The following HGS variants were observed in gnomAD, a reference collection of about 807,000 sequenced individuals.
HGS encodes hepatocyte growth factor-regulated tyrosine kinase substrate, also known as human growth factor-regulated tyrosine kinase substrate.
In HGS, 63 loss-of-function variants were observed where a neutral mutation model predicts 109.7. The observed-to-expected ratio is 0.57, with a 90% confidence interval of 0.47 to 0.71. The LOEUF is 0.71. HGS is among the 30% of genes least tolerant of loss of function. HGS has a pLI of 0.00. For synonymous variants in HGS, 546 were observed against 437.3 expected (o/e 1.25, Z -3.10); for missense variants, 995 against 1,068.3 (o/e 0.93, Z 0.96).
intron 3 of HGS, among the ~76,000 whole-genome samples, chr17:81,686,717 T>A (rs1183774729): frequency 1.3e-5 from 2 of 152,250 alleles, no homozygotes; most frequent in African/African-American, 4.8e-5. Flanking sequence ...GAGTCTCAGA[T>A]GTGGGTTCCC....
rs2037052409 is a variant in HGS at position 81,690,811 on chromosome 17, C to A, written c.537+69C>A. ...AGGTCCCCTGCCGTGCACAAGGCCA[C>A]CGTCCCTGCTGGGCCTTTCCTTCCT... On this transcript the variant is annotated intron_variant, in intron 7 of 21. Transcript: ENST00000329138. 4 of 1,387,740 alleles carry A rather than the reference C, an allele frequency of 2.9e-6. No individual in the cohort carries two copies. The Admixed American group carries it at 7.2e-5, about 25-fold the overall frequency. 86.0% of individuals were successfully genotyped at this position (1,387,740 alleles called of 1,614,324 possible).
chr17:81,695,929 A>G lies in HGS; in HGVS notation c.1323A>G (p.Ser441=). Residue 441 remains serine, a synonymous_variant, in exon 15 of 22, where the codon TCA becomes TCG. Transcript: ENST00000329138. The stretch of plus-strand genomic sequence containing the variant: ...TCACCAATGACTCGGCCGTGCTCTC[A>G]CTCTTCCAGTCCATCAACGGCATGC... The part of the protein sequence containing the change: ...RSITNDSAVL[S]LFQSINGMHP... 4 of 1,599,052 alleles carry G rather than the reference A, an allele frequency of 2.5e-6. No individual in the cohort carries two copies. The highest frequency in any genetic ancestry group is 2.6e-6 in the Non-Finnish European group (3 of 1,170,630).
intron 16 of HGS, 25 bp from the exon 17 acceptor site, chr17:81,696,582 T>C (rs1240938175): frequency 1.3e-6 from 2 of 1,574,820 alleles, no homozygotes; most frequent in Non-Finnish European, 1.7e-6. Flanking sequence ...CCTCGCAGCA[T>C]AACCAGCATG....
chr17:81,699,652 C>G (rs960320100), intron 18 of HGS, among the ~76,000 whole-genome samples: 13 of 152,152 alleles, frequency 8.5e-5, no homozygotes, highest in Admixed American at 6.5e-4. Context: ...TCTCGAACTC[C>G]TGCCATCATG....
intron 11 of HGS, 111 bp from the exon 12 acceptor site, chr17:81,694,704 G>C (rs1456680473): frequency 1.5e-5 from 20 of 1,316,016 alleles, no homozygotes; most frequent in Non-Finnish European, 2.0e-5. Flanking sequence ...CGGAGGGAGG[G>C]CCCAGGCTGC....
rs566201558 is a variant in HGS at position 81,695,186 on chromosome 17, C to G, written c.1142C>G (p.Ser381Cys). 107 of 1,614,232 alleles carry G rather than the reference C, an allele frequency of 6.6e-5. No individual in the cohort carries two copies. In the East Asian group the frequency reaches 2.0e-3, roughly 30 times the overall value. Residue 381 changes from serine (S) to cysteine (C), a missense_variant, in exon 14 of 22, where the codon TCT becomes TGT. Around this residue, in one of 6 missense-constraint regions of HGS, gnomAD observed 300 missense variants for 235.4 expected, o/e 1.27. Coordinates refer to ENST00000329138, the MANE Select transcript of HGS (RefSeq NM_004712.5). Reference sequence around the variant, plus strand: ...CAGAACCCCCTCCCGGAGACAGACTCTCAGCCCATTCCTCCCTCTGGTGGC... The same window carrying G: ...CAGAACCCCCTCCCGGAGACAGACTGTCAGCCCATTCCTCCCTCTGGTGGC... ...VVENPLPETD[S>C]QPIPPSGGPF...
At chr17:81,696,563 G>A (rs748101013) in intron 16 of HGS, 34 bp downstream of exon 16, 52 of 1,553,216 alleles carry the variant, frequency 3.3e-5, no homozygotes, top group Non-Finnish European at 4.4e-5. Context: ...GCCGGGGCCG[G>A]CTGGGGGACC....
intron 1 of HGS, chr17:81,684,806 C>G: frequency 8.5e-6 from 6 of 704,976 alleles, no homozygotes; most frequent in Non-Finnish European, 1.0e-5. Flanking sequence ...GCCTTTTTGT[C>G]AAGTAGGGTT....
chr17:81,693,550 A>G lies in HGS; in HGVS notation c.710A>G (p.Tyr237Cys), dbSNP rs542511483. 33 of 1,612,582 alleles carry G rather than the reference A, an allele frequency of 2.0e-5. No individual in the cohort carries two copies. The highest frequency in any genetic ancestry group is 7.7e-5 in the South Asian group (7 of 90,970). The change falls in exon 9 of 22, where the codon TAC becomes TGC. Residue 237 changes from tyrosine (Y) to cysteine (C), a missense_variant. Around this residue, in one of 6 missense-constraint regions of HGS, gnomAD observed 300 missense variants for 235.4 expected, o/e 1.27. Transcript: ENST00000329138. ...ATSTTELPPE[Y>C]LTSPLSQQSQ... The stretch of plus-strand genomic sequence containing the variant: ...TCCACCACTGAGCTGCCCCCCGAGT[A>G]CCTGACCAGCCCCCTGTCTCAGCAG...
At chr17:81,694,081 C>T in intron 11 of HGS, 116 bp downstream of exon 11, 1 of 827,746 alleles carries the variant, frequency 1.2e-6, no homozygotes, top group South Asian at 1.8e-5. Flanking sequence ...CCCGGGCTTC[C>T]CAGAGAGGAC....
rs771492798 is a variant in HGS, at chr17:81,695,851, C to A, written c.1245C>A (p.Ala415=). ...AGTTCCTGAAGGCGCTGCAGAACGC[C>A]GTCACCACCTTCGTGAACCGCATGA... is the stretch of plus-strand genomic sequence containing the variant. ...HEQFLKALQN[A]VTTFVNRMKS... Residue 415 remains alanine, a synonymous_variant, in exon 15 of 22, where the codon GCC becomes GCA. Transcript: ENST00000329138. 6.2e-7 allele frequency: 1 copy of A among 1,613,540 alleles called. No homozygotes were observed. Among genetic ancestry groups the A allele is most frequent in the South Asian group, 1.1e-5 (1 of 91,080 alleles).
At chr17:81,685,088 C>T (rs1378037758) in intron 1 of HGS, 10 of 984,774 alleles carry the variant, frequency 1.0e-5, no homozygotes, top group South Asian at 4.7e-5. Flanking sequence ...GCGAGTCCTC[C>T]TTGGAGCCCC....
intron 11 of HGS, 112 bp downstream of exon 11, chr17:81,694,077 C>A: frequency 1.1e-6 from 1 of 902,560 alleles, no homozygotes; most frequent in Non-Finnish European, 1.6e-6. Context: ...GGTCCCCGGG[C>A]TTCCCAGAGA....
chr17:81,700,412 TC>T, intron 18 of HGS, 54 bp from the exon 19 acceptor site: 1 of 1,470,120 alleles, frequency 6.8e-7, no homozygotes, highest in Non-Finnish European at 9.1e-7. Flanking sequence ...GGGTGTCCCT[TC>T]CTCTCCTCCC....
intron 8 of HGS, chr17:81,693,112 C>T (rs1386473111): frequency 9.7e-6 from 2 of 206,318 alleles, no homozygotes. Context: ...GCCTGGGGCG[C>T]CCCGGAAGAG....
chr17:81,690,314 T>A, intron 6 of HGS, 80 bp downstream of exon 6: 1 of 1,440,636 alleles, frequency 6.9e-7, no homozygotes, highest in Non-Finnish European at 9.7e-7. Flanking sequence ...GCCCGGCTTG[T>A]TTGAGGGTTG....
chr17:81,695,351 A>T, intron 14 of HGS, 128 bp downstream of exon 14: 3 of 995,834 alleles, frequency 3.0e-6, no homozygotes, highest in Admixed American at 2.1e-5. Flanking sequence ...GCCCCAGCCC[A>T]GCCCTGGCCT....
At chr17:81,684,656 T>C (rs767731019) in intron 1 of HGS, among the ~76,000 whole-genome samples, 4 of 152,204 alleles carry the variant, frequency 2.6e-5, no homozygotes, top group Non-Finnish European at 4.4e-5. Flanking sequence ...AGGTGAAAGC[T>C]GATCCTATCT....
In HGS at chr17:81,686,952, G is replaced by T. The variant is rs753535573; in HGVS notation, c.199-51G>T. On this transcript the variant is annotated intron_variant, in intron 3 of 21. Transcript: ENST00000329138. ...AGGTGGGTCTGTCCGGGAGGAGGAG[G>T]GGCCCTGCCCTGACCACTGGCCCAA... The T allele has an allele frequency of 6.8e-6, 10 of 1,477,742 alleles. No homozygotes were observed. The South Asian group carries it at 1.2e-4, about 17-fold the overall frequency. The allele number at this position is 1,477,742 out of a possible 1,614,324, so 91.5% of individuals were successfully genotyped here.
Sources: gnomAD v4.1 joint callset for allele counts (sites outside exome capture counted in the v4.1 genomes callset) on GRCh38, gnomAD v4.1.1 for gene constraint, gnomAD v4.1.1 regional missense constraint, MANE v1.5 for transcripts, NCBI Gene and HGNC (gene_info 2026-07-23, HGNC 2026-07-21) for gene names.